TCAF2: variants seen among roughly 807,000 people sequenced by gnomAD.
TCAF2 encodes the protein TRPM8 channel-associated factor 2.
TCAF2 carries 6 observed loss-of-function variants against 33.9 expected under a neutral mutation model. The observed-to-expected ratio is 0.18, with a 90% CI of 0.10 to 0.35. TCAF2 has a LOEUF of 0.35. TCAF2 is among the 10% of genes least tolerant of loss of function. The pLI is 1.00. For synonymous variants in TCAF2, 41 were observed against 247.8 expected, an observed-to-expected ratio of 0.17 and a Z score of 7.84; for missense variants, 109 against 604.0, an observed-to-expected ratio of 0.18 and a Z score of 8.59.
At chr7:143,718,506 T>C (rs983211566) in intron 2 of TCAF2, among the ~76,000 whole-genome samples, 1 of 152,126 alleles carries the variant, frequency 6.6e-6, no homozygotes, top group Non-Finnish European at 1.5e-5. Context: ...TCAAATTACC[T>C]AATATTTATT....
chr7:143,719,425 A>AAAAGAAAGAAAGAAAG (rs368096378), intron 2 of TCAF2, among the ~76,000 whole-genome samples: 9 of 53,716 alleles, frequency 1.7e-4, no homozygotes, highest in Non-Finnish European at 2.8e-4. Flanking sequence ...AGAAAGAAAG[A>AAAAGAAAGAAAGAAAG]AAAGAAAGAA....
intron 7 of TCAF2, 131 bp downstream of exon 7, chr7:143,724,828 G>C: frequency 1.3e-6 from 2 of 1,575,682 alleles, no homozygotes; most frequent in South Asian, 1.2e-5. Context: ...GGAAATGAGA[G>C]GGACTGGGCC....
chr7:143,724,838 C>T (rs1015679658), intron 7 of TCAF2, 141 bp downstream of exon 7: 43 of 1,565,838 alleles, frequency 2.7e-5, no homozygotes, highest in Non-Finnish European at 3.4e-5. Context: ...GGGACTGGGC[C>T]GCAGGGTGGT....
chr7:143,622,605 T>TTA lies in TCAF2; in HGVS notation c.-12+1587_-12+1588dup, dbSNP rs1460451228. The stretch of plus-strand genomic sequence containing the variant: ...TTATTTTATTTTATTTTATTTTATT[T>TTA]TATTTTTTGAGGCAGAGTCTTGTTC... On this transcript the variant is annotated intron_variant, in intron 1 of 7. Transcript: ENST00000684770. Among the ~76,000 whole-genome samples, 192 of 38,200 alleles carry TTA rather than the reference T, an allele frequency of 5.0e-3. 9 individuals carry two copies. Among genetic ancestry groups the TTA allele is most frequent in the African/African-American group, 0.012 (183 of 14,662 alleles). 25.1% of individuals were successfully genotyped at this position (38,200 alleles called of 152,430 possible). A position where few individuals can be genotyped will look rare whatever the true frequency, so the allele number is the denominator to read the frequency against.
At chr7:143,637,746 CCAAAAGAAA>C (rs1201002842) in intron 1 of TCAF2, among the ~76,000 whole-genome samples, 40 of 46,440 alleles carry the variant, frequency 8.6e-4, no homozygotes, top group African/African-American at 2.9e-3. Context: ...ATCTCACAAT[CCAAAAGAAA>C]ACACTCTTAT....
Position 143,727,888 on chromosome 7 carries a change from GACTC to G in TCAF2, c.*225_*228del, listed in dbSNP as rs1809718961. On this transcript the variant is annotated 3_prime_UTR_variant, in exon 8 of 8. Transcript: ENST00000684770. The stretch of plus-strand genomic sequence containing the variant: ...GCCTACGCTATTGCTTTCCCCAAGA[GACTC>G]ACTTCACCTCTTAGTCTTCCAGAGA... 4.5e-6 allele frequency: 1 copy of G among 224,256 alleles called. No individual in the cohort carries two copies. Among genetic ancestry groups the G allele is most frequent in the Non-Finnish European group, 8.5e-6 (1 of 117,024 alleles). The allele number at this position is 224,256 out of a possible 1,614,324, so 13.9% of individuals were successfully genotyped here. A position where few individuals can be genotyped will look rare whatever the true frequency, so the allele number is the denominator to read the frequency against.
chr7:143,648,153 G>T (rs1203777612), intron 1 of TCAF2, among the ~76,000 whole-genome samples: 43 of 105,220 alleles, frequency 4.1e-4, no homozygotes, highest in African/African-American at 9.2e-4. Flanking sequence ...TCTTGACCTT[G>T]TGATCCGCCA....
In TCAF2 at chr7:143,729,400, T is replaced by C. The variant is rs1390695050; in HGVS notation, c.*1733T>C. 1 of 152,168 alleles carries C rather than the reference T, an allele frequency of 6.6e-6. No homozygotes were observed. The highest frequency in any genetic ancestry group is 2.4e-5 in the African/African-American group (1 of 41,426). 9.4% of individuals were successfully genotyped at this position (152,168 alleles called of 1,614,324 possible). Reference sequence around the variant, plus strand: ...AACAAAATGTCACCTAGAAAATAGATGAAAATATGTTCAACCAGGTCTGGA... The same window carrying C: ...AACAAAATGTCACCTAGAAAATAGACGAAAATATGTTCAACCAGGTCTGGA... On this transcript the variant is annotated 3_prime_UTR_variant, in exon 8 of 8. Transcript: ENST00000684770.
At chr7:143,724,765 A>G (rs781726092) in intron 7 of TCAF2, 68 bp downstream of exon 7, 2 of 1,265,822 alleles carry the variant, frequency 1.6e-6, no homozygotes, top group Non-Finnish European at 1.1e-6. Flanking sequence ...CCTGGATCCC[A>G]GTAGCCCTCC....
rs553916820 is a variant in TCAF2, at chr7:143,729,055, C to G, written c.*1388C>G. On this transcript the variant is annotated 3_prime_UTR_variant, in exon 8 of 8. Transcript: ENST00000684770. Reference sequence around the variant, plus strand: ...TTTCTCTAGTACCCTTTGCCAGGGGCTCTACACATCAAAGGTGTTCATGAA... The same window carrying G: ...TTTCTCTAGTACCCTTTGCCAGGGGGTCTACACATCAAAGGTGTTCATGAA... 18 of 151,728 alleles carry G rather than the reference C, an allele frequency of 1.2e-4. No individual in the cohort carries two copies. The highest frequency in any genetic ancestry group is 4.4e-4 in the African/African-American group (18 of 41,360). The allele number at this position is 151,728 out of a possible 1,614,324, so 9.4% of individuals were successfully genotyped here. A position where few individuals can be genotyped will look rare whatever the true frequency, so the allele number is the denominator to read the frequency against.
At chr7:143,701,853 C>G (rs1359939929) in intron 1 of TCAF2, among the ~76,000 whole-genome samples, 5 of 92,030 alleles carry the variant, frequency 5.4e-5, no homozygotes, top group Non-Finnish European at 8.6e-5. Context: ...CTTGTTCTCT[C>G]GCACAGGCTA....
At chr7:143,724,936 ATAT>A in intron 7 of TCAF2, 1 of 1,262,930 alleles carries the variant, frequency 7.9e-7, no homozygotes, top group Non-Finnish European at 1.0e-6. Context: ...GAAATGAAAA[ATAT>A]TATGAAAAAA....
rs1005186045 is a variant in TCAF2, at chr7:143,728,431, G to A, written c.*764G>A. 3 of 152,300 alleles carry A rather than the reference G, an allele frequency of 2.0e-5. No homozygotes were observed. Among genetic ancestry groups the A allele is most frequent in the African/African-American group, 7.2e-5 (3 of 41,418 alleles). 9.4% of individuals were successfully genotyped at this position (152,300 alleles called of 1,614,324 possible). A position where few individuals can be genotyped will look rare whatever the true frequency, so the allele number is the denominator to read the frequency against. Reference sequence around the variant, plus strand: ...CTCCCACTTCTGGAAGGATTCTTGGGTATAACCTAACCCAAAGAAAAGTGG... The same window carrying A: ...CTCCCACTTCTGGAAGGATTCTTGGATATAACCTAACCCAAAGAAAAGTGG... On this transcript the variant is annotated 3_prime_UTR_variant, in exon 8 of 8. Coordinates refer to ENST00000684770, the MANE Select transcript of TCAF2 (RefSeq NM_001363538.2).
Position 143,728,020 on chromosome 7 carries a change from C to T in TCAF2, c.*353C>T, listed in dbSNP as rs1435932597. 1 of 175,196 alleles carries T rather than the reference C, an allele frequency of 5.7e-6. No homozygotes were observed. Among genetic ancestry groups the T allele is most frequent in the Non-Finnish European group, 1.2e-5 (1 of 81,626 alleles). The allele number at this position is 175,196 out of a possible 1,614,324, so 10.9% of individuals were successfully genotyped here. ...GATATCCCTTTCTCATCCCTGCCAT[C>T]CCTGAATAAGGCTTCTAATTTATTA... On this transcript the variant is annotated 3_prime_UTR_variant, in exon 8 of 8. Transcript: ENST00000684770.
rs1164142414 is a variant in TCAF2 at position 143,724,652 on chromosome 7, C to A, written c.2460C>A (p.Pro820=). ...RIKAHLGKGA[P]LCDWNVWTAL... is the part of the protein sequence containing the mutation. ...AGGCCCACCTGGGAAAGGGAGCCCC[C>A]CTGTGTGACTGGAATGTATGGACAG... The change falls in exon 7 of 8, where the codon CCC becomes CCA. Residue 820 remains proline, a synonymous_variant. Coordinates refer to ENST00000684770, the MANE Select transcript of TCAF2 (RefSeq NM_001363538.2). The A allele has an allele frequency of 2.2e-5, 36 of 1,609,490 alleles. No individual in the cohort carries two copies. The highest frequency in any genetic ancestry group is 2.6e-5 in the Non-Finnish European group (31 of 1,179,160).
Position 143,724,481 on chromosome 7 carries a change from A to C in TCAF2, c.2289A>C (p.Gln763His). The C allele has an allele frequency of 6.2e-7, 1 of 1,611,204 alleles. No individual in the cohort carries two copies. Among genetic ancestry groups the C allele is most frequent in the East Asian group, 2.2e-5 (1 of 44,860 alleles). ...CCATCCATGAGCTGGGCCACAACCA[A>C]CAGCGGCATGGATGGGAGTTCCCCC... ...WGPIHELGHN[Q>H]QRHGWEFPPH... The change falls in exon 7 of 8, where the codon CAA becomes CAC. Residue 763 changes from glutamine (Q) to histidine (H), a missense_variant. Coordinates refer to ENST00000684770, the MANE Select transcript of TCAF2 (RefSeq NM_001363538.2).
Position 143,701,841 on chromosome 7 carries a change from G to A in TCAF2, c.-11-1143G>A, listed in dbSNP as rs1171779867. Among the ~76,000 whole-genome samples, 276 of 92,928 alleles carry A rather than the reference G, an allele frequency of 3.0e-3. 23 individuals carry two copies. The highest frequency in any genetic ancestry group is 5.0e-3 in the Non-Finnish European group (236 of 47,432). 61.0% of individuals were successfully genotyped at this position (92,928 alleles called of 152,430 possible). A position where few individuals can be genotyped will look rare whatever the true frequency, so the allele number is the denominator to read the frequency against. On this transcript the variant is annotated intron_variant, in intron 1 of 7. Coordinates refer to ENST00000684770, the MANE Select transcript of TCAF2 (RefSeq NM_001363538.2). The stretch of plus-strand genomic sequence containing the variant: ...ATTTTATTTTATTTTTTGAGGCAGA[G>A]TCTTGTTCTCTCGCACAGGCTAGAG...
In TCAF2 at chr7:143,634,849, T is replaced by G. The variant is rs1202372888; in HGVS notation, c.-12+13829T>G. 3.9e-5 allele frequency among the ~76,000 whole-genome samples: 5 copies of G among 128,332 alleles called. 2 individuals are homozygous for G. In the Admixed American group the frequency reaches 4.4e-4, roughly 11 times the overall value. 84.2% of individuals were successfully genotyped at this position (128,332 alleles called of 152,430 possible). On this transcript the variant is annotated intron_variant, in intron 1 of 7. Transcript: ENST00000684770. The stretch of plus-strand genomic sequence containing the variant: ...ATTGTTCAGTGATGATGGAGACAGT[T>G]TTTAAAGTTTTCTTATTTACTATGA...
chr7:143,721,634 T>C (rs1809555820), intron 4 of TCAF2, among the ~76,000 whole-genome samples: 1 of 69,370 alleles, frequency 1.4e-5, no homozygotes, highest in Non-Finnish European at 2.7e-5. Context: ...ACTTGAGTTT[T>C]TCACCAAAAA....
Sources: allele counts gnomAD v4.1 joint callset (sites outside exome capture counted in the v4.1 genomes callset), GRCh38; gene constraint gnomAD v4.1.1; transcripts MANE v1.5; gene names NCBI Gene and HGNC (gene_info 2026-07-23, HGNC 2026-07-21).